Variants in ATP4A observed in about 807,000 individuals in gnomAD.
ATP4A encodes potassium-transporting ATPase alpha chain 1.
Under a neutral mutation model 112.1 loss-of-function variants are expected in ATP4A, and 73 were observed. The observed-to-expected ratio is 0.65, with a 90% CI of 0.54 to 0.79. ATP4A has a LOEUF of 0.79. Ranked by LOEUF, ATP4A falls within the 30% of genes least tolerant of loss-of-function variation. The pLI is 0.00. For synonymous variants in ATP4A, 588 were observed against 588.9 expected (o/e 1.00, Z 0.02); for missense variants, 1,081 against 1,425.9 (o/e 0.76, Z 3.90).
intron 17 of ATP4A, 98 bp downstream of exon 17, chr19:35,553,608 G>A (rs2071614034): frequency 6.6e-7 from 1 of 1,517,436 alleles, no homozygotes; most frequent in Non-Finnish European, 8.9e-7. Context: ...AGACACTGAG[G>A]TCCAGAACCA....
Position 35,553,178 on chromosome 19 carries a change from G to T in ATP4A, c.2610C>A (p.Ala870=), listed in dbSNP as rs2071611319. The stretch of plus-strand genomic sequence containing the variant: ...CAGTGAAGCCAGCAAAGGACTGAAT[G>T]GCACCTGGAGAGAGACAAGGGGACA... ...LAAYSYFQIG[A]IQSFAGFTDY... The change falls in exon 18 of 22, where the codon GCC becomes GCA. Residue 870 remains alanine, a synonymous_variant. Transcript: ENST00000262623. 4 of 1,593,706 alleles carry T rather than the reference G, an allele frequency of 2.5e-6. No homozygotes were observed. In the African/African-American group the frequency reaches 5.4e-5, roughly 21 times the overall value.
Position 35,559,660 on chromosome 19 carries a change from G to C in ATP4A, c.1056+145C>G, listed in dbSNP as rs1183681081. On this transcript the variant is annotated intron_variant, in intron 7 of 21. Coordinates refer to ENST00000262623, the MANE Select transcript of ATP4A (RefSeq NM_000704.3). This position sits in a 1 kb window ranked among gnomAD's most constrained non-coding sequence, Gnocchi z 4.1. ...TTGCCTCGGGAAGGACTTGCTGAAT[G>C]AGTGGATGATGGGAAGGCAGGAGAA... is the stretch of plus-strand genomic sequence containing the variant. 3 of 1,329,900 alleles carry C rather than the reference G, an allele frequency of 2.3e-6. No individual in the cohort carries two copies. The highest frequency in any genetic ancestry group is 3.0e-6 in the Non-Finnish European group (3 of 988,288). 82.4% of individuals were successfully genotyped at this position (1,329,900 alleles called of 1,614,324 possible). A position where few individuals can be genotyped will look rare whatever the true frequency, so the allele number is the denominator to read the frequency against.
chr19:35,554,712 G>A (rs1225459406), intron 16 of ATP4A, among the ~76,000 whole-genome samples: 1 of 129,224 alleles, frequency 7.7e-6, no homozygotes, highest in African/African-American at 2.9e-5. Context: ...CTACCTGAGT[G>A]TCCGCCTGTG....
chr19:35,560,699 G>C lies in ATP4A; in HGVS notation c.535-84C>G. 3 of 1,588,116 alleles carry C rather than the reference G, an allele frequency of 1.9e-6. No individual in the cohort carries two copies. The highest frequency in any genetic ancestry group is 2.6e-6 in the Non-Finnish European group (3 of 1,161,824). ...TGTGGGGAGGTAAAGGATGAGGAGA[G>C]CTGGGACCCATGGGGAGAGATGGAG... On this transcript the variant is annotated intron_variant, in intron 5 of 21. Coordinates refer to ENST00000262623, the MANE Select transcript of ATP4A (RefSeq NM_000704.3). The surrounding 1 kb of genome is among the most constrained non-coding windows in gnomAD (Gnocchi z 5.1).
Position 35,560,501 on chromosome 19 carries a change from G to A in ATP4A, c.649C>T (p.Leu217=), listed in dbSNP as rs2071663332. The change falls in exon 6 of 22, where the codon CTG becomes TTG. Residue 217 remains leucine (L), a synonymous_variant. Coordinates refer to ENST00000262623, the MANE Select transcript of ATP4A (RefSeq NM_000704.3). The surrounding 1 kb of genome is among the most constrained non-coding windows in gnomAD (Gnocchi z 5.1). The stretch of plus-strand genomic sequence containing the variant: ...TCCACCTTGCAGCCCTGGGCCGCCA[G>A]GATGCGGATGTCGGCGGGCACTCTG... ...GDRVPADIRI[L]AAQGCKVDNS... 11 of 1,613,666 alleles carry A rather than the reference G, an allele frequency of 6.8e-6. No homozygotes were observed. The highest frequency in any genetic ancestry group is 9.3e-6 in the Non-Finnish European group (11 of 1,180,016).
In ATP4A at chr19:35,551,120, G is replaced by A. The variant is rs377741206; in HGVS notation, c.2886-9C>T. 18 of 1,597,436 alleles carry A rather than the reference G, an allele frequency of 1.1e-5. No individual in the cohort carries two copies. Among genetic ancestry groups the A allele is most frequent in the Non-Finnish European group, 1.5e-5 (17 of 1,171,946 alleles). ...TCACCAGGATCTTATTCCTGGGGGT[G>A]GGCAGAATGGGACAGGCCATTAGGA... is the stretch of plus-strand genomic sequence containing the variant. On this transcript the variant is annotated splice_polypyrimidine_tract_variant and intron_variant, in intron 19 of 21. Transcript: ENST00000262623. The surrounding 1 kb of genome is among the most constrained non-coding windows in gnomAD (Gnocchi z 5.2).
At position 35,562,441 on chromosome 19, in the gene ATP4A, G is replaced by T. The variant is rs750821353; in HGVS notation, c.414C>A (p.Asp138Glu). The T allele has an allele frequency of 6.2e-7, 1 of 1,613,618 alleles. No individual in the cohort carries two copies. Among genetic ancestry groups the T allele is most frequent in the Non-Finnish European group, 8.5e-7 (1 of 1,179,796 alleles). The change falls in exon 4 of 22, where the codon GAC (aspartate) becomes GAA (glutamate). Residue 138 changes from aspartate (D) to glutamate (E), a missense_variant. Physicochemically the swap from Asp to Glu is conservative, Grantham distance 45. Transcript: ENST00000262623. The part of the protein sequence containing the change: ...IQASEGDLTT[D>E]DNLYLAIALI... The stretch of plus-strand genomic sequence containing the variant: ...TCCCCACAACATGGCTCACATTGTC[G>T]TCGGTGGTGAGGTCCCCCTCACTAG...
At chr19:35,563,312 G>T in intron 2 of ATP4A, 44 bp from the exon 3 acceptor site, 1 of 1,613,576 alleles carries the variant, frequency 6.2e-7, no homozygotes, top group Non-Finnish European at 8.5e-7. Context: ...GGGCTCTCCT[G>T]GCCCCCTCCC....
rs1362455324 is a variant in ATP4A, at chr19:35,563,271, G to C, written c.157-3C>G. On this transcript the variant is annotated splice_region_variant and splice_polypyrimidine_tract_variant and intron_variant, in intron 2 of 21. Transcript: ENST00000262623. The stretch of plus-strand genomic sequence containing the variant: ...GCCACTGACAGCTGGTGGTCGTTCT[G>C]TGTGGTGGGGTGGGGCAGGGTGCTT... 1.9e-5 allele frequency: 30 copies of C among 1,613,926 alleles called. No homozygotes were observed. The highest frequency in any genetic ancestry group is 2.5e-5 in the Non-Finnish European group (30 of 1,180,012).
chr19:35,563,550 G>A lies in ATP4A; in HGVS notation c.13-23C>T, dbSNP rs373656430. The stretch of plus-strand genomic sequence containing the variant: ...CTCCTGGGAATGGACAGGATGGAGG[G>A]AGGGAGAACTCAGATTCCACTGCAA... On this transcript the variant is annotated intron_variant, in intron 1 of 21. Coordinates refer to ENST00000262623, the MANE Select transcript of ATP4A (RefSeq NM_000704.3). The A allele has an allele frequency of 4.5e-5, 72 of 1,613,844 alleles. No homozygotes were observed. In the African/African-American group the frequency reaches 8.4e-4, roughly 19 times the overall value.
chr19:35,560,706 C>A lies in ATP4A; in HGVS notation c.535-91G>T. On this transcript the variant is annotated intron_variant, in intron 5 of 21. Coordinates refer to ENST00000262623, the MANE Select transcript of ATP4A (RefSeq NM_000704.3). The surrounding 1 kb of genome is among the most constrained non-coding windows in gnomAD (Gnocchi z 5.1). ...AGGTAAAGGATGAGGAGAGCTGGGA[C>A]CCATGGGGAGAGATGGAGGCCACAG... is the stretch of plus-strand genomic sequence containing the variant. 6.3e-7 allele frequency: 1 copy of A among 1,586,724 alleles called. No homozygotes were observed. The highest frequency in any genetic ancestry group is 1.3e-5 in the African/African-American group (1 of 74,438).
chr19:35,553,500 G>A (rs2071613379), intron 17 of ATP4A, among the ~76,000 whole-genome samples: 1 of 152,174 alleles, frequency 6.6e-6, no homozygotes, highest in Non-Finnish European at 1.5e-5. Flanking sequence ...GGGTCATGGA[G>A]AGCAAGGTCA....
chr19:35,559,048 G>T lies in ATP4A; in HGVS notation c.1200C>A (p.Ser400=). The T allele has an allele frequency of 6.2e-7, 1 of 1,614,208 alleles. No individual in the cohort carries two copies. Among genetic ancestry groups the T allele is most frequent in the Non-Finnish European group, 8.5e-7 (1 of 1,180,036 alleles). ...GGATGTGGTTGTCAAACCACAGATGGGACACAGTCATGCGGTTCTGAGTGA... is the reference window on the plus strand; with the variant it reads ...GGATGTGGTTGTCAAACCACAGATGTGACACAGTCATGCGGTTCTGAGTGA... ...GTLTQNRMTV[S]HLWFDNHIHT... The change falls in exon 8 of 22, where the codon TCC becomes TCA. Residue 400 remains serine (S), a synonymous_variant. Coordinates refer to ENST00000262623, the MANE Select transcript of ATP4A (RefSeq NM_000704.3). This position sits in a 1 kb window ranked among gnomAD's most constrained non-coding sequence, Gnocchi z 4.1.
At chr19:35,561,435 G>A (rs371601603) in intron 4 of ATP4A, among the ~76,000 whole-genome samples, 9 of 152,028 alleles carry the variant, frequency 5.9e-5, no homozygotes, top group African/African-American at 1.2e-4. Context: ...CCGTCCCTGC[G>A]TGTGCTGCAG....
intron 3 of ATP4A, 150 bp from the exon 4 acceptor site, chr19:35,562,788 A>G (rs1200088551): frequency 2.9e-6 from 2 of 686,208 alleles, no homozygotes; most frequent in East Asian, 2.9e-5. Context: ...CCCCCACCCC[A>G]TCTCTCCCTC....
At chr19:35,563,566 TCCACTGCAACCCCTGTCC>T in intron 1 of ATP4A, 34 bp downstream of exon 1, 1 of 1,613,722 alleles carries the variant, frequency 6.2e-7, no homozygotes, top group Non-Finnish European at 8.5e-7. Flanking sequence ...GAACTCAGAT[TCCACTGCAACCCCTGTCC>T]CCACTGCACC....
chr19:35,559,995 TCCACCC>T lies in ATP4A; in HGVS notation c.860_865del (p.Gly287_Val288del). ...GATAGCGATGGGTGTCTTCTCGTTT[TCCACCC>T]CCGACGCCAGCGATGCGATGCGCCC... On this transcript the variant is annotated inframe_deletion, in exon 7 of 22. Transcript: ENST00000262623. The surrounding 1 kb of genome is among the most constrained non-coding windows in gnomAD (Gnocchi z 4.1). The T allele has an allele frequency of 6.2e-7, 1 of 1,614,220 alleles. No homozygotes were observed. Among genetic ancestry groups the T allele is most frequent in the Non-Finnish European group, 8.5e-7 (1 of 1,180,032 alleles).
chr19:35,558,929 C>G lies in ATP4A; in HGVS notation c.1255+64G>C. 1 of 1,586,656 alleles carries G rather than the reference C, an allele frequency of 6.3e-7. No homozygotes were observed. The highest frequency in any genetic ancestry group is 1.3e-5 in the African/African-American group (1 of 74,478). Reference sequence around the variant, plus strand: ...ACAAAGCCCTCCCTACCTCCCTATCCCTCTTCAGGTCTCCACCATCCACCA... The same window carrying G: ...ACAAAGCCCTCCCTACCTCCCTATCGCTCTTCAGGTCTCCACCATCCACCA... On this transcript the variant is annotated intron_variant, in intron 8 of 21. Coordinates refer to ENST00000262623, the MANE Select transcript of ATP4A (RefSeq NM_000704.3). This position sits in a 1 kb window ranked among gnomAD's most constrained non-coding sequence, Gnocchi z 5.1.
In ATP4A at chr19:35,563,385, A is replaced by G. The variant is rs149648990; in HGVS notation, c.155T>C (p.Ile52Thr). 211 of 1,611,328 alleles carry G rather than the reference A, an allele frequency of 1.3e-4. No homozygotes were observed. The highest frequency in any genetic ancestry group is 2.2e-4 in the Admixed American group (13 of 59,754). ...CGCCCCTCCCCAGTCAGAGCTCACA[A>G]TCTCCATCTCCTTCTTCATGTTCTC... ...KLENMKKEME[I>T]NDHQLSVAEL... The change falls in exon 2 of 22, where the codon ATT (isoleucine) becomes ACT (threonine). Residue 52 changes from isoleucine to threonine, a missense_variant and splice_region_variant. By Grantham distance (89) the Ile-to-Thr change is moderately conservative. Coordinates refer to ENST00000262623, the MANE Select transcript of ATP4A (RefSeq NM_000704.3).
Sources: allele counts gnomAD v4.1 joint callset (sites outside exome capture counted in the v4.1 genomes callset), GRCh38; gene constraint gnomAD v4.1.1; non-coding constraint Gnocchi (gnomAD v3.1); transcripts MANE v1.5; gene names NCBI Gene and HGNC (gene_info 2026-07-23, HGNC 2026-07-21).